RUNX1: variants seen among roughly 807,000 people sequenced by gnomAD.
RUNX1 encodes the protein RUNX family transcription factor 1.
In RUNX1, 19 loss-of-function variants were observed where a neutral mutation model predicts 42.8. That is an observed-to-expected ratio of 0.44 (90% CI 0.31 to 0.65). The LOEUF (loss-of-function observed/expected upper bound fraction) is 0.65. RUNX1 is among the 30% of genes least tolerant of loss of function. RUNX1 has a pLI of 0.07. For missense variants in RUNX1, 528 were observed against 672.0 expected (o/e 0.79, Z 2.37); for synonymous variants, 271 against 289.4 (o/e 0.94, Z 0.64).
chr21:34,848,082 C>A (rs1489221451), intron 6 of RUNX1, among the ~76,000 whole-genome samples: 6 of 152,206 alleles, frequency 3.9e-5, no homozygotes, highest in Non-Finnish European at 8.8e-5. Context: ...ATTTAAGGAA[C>A]ACTTCTGTGC....
intron 2 of RUNX1, among the ~76,000 whole-genome samples, chr21:34,952,603 C>T (rs1235726988): frequency 6.6e-6 from 1 of 152,100 alleles, no homozygotes; most frequent in Non-Finnish European, 1.5e-5. Context: ...CTACAGCTCT[C>T]TTATTTAATT....
intron 2 of RUNX1, among the ~76,000 whole-genome samples, chr21:34,991,101 C>A (rs1245901226): frequency 6.6e-6 from 1 of 152,178 alleles, no homozygotes; most frequent in Non-Finnish European, 1.5e-5. Flanking sequence ...AGGAGCAATG[C>A]TGGAAGCCTG....
intron 2 of RUNX1, among the ~76,000 whole-genome samples, chr21:34,922,656 T>A (rs1215730964): frequency 6.6e-6 from 1 of 152,090 alleles, no homozygotes; most frequent in South Asian, 2.1e-4. Flanking sequence ...ACAAGTAGGG[T>A]CACCACAATT....
chr21:34,904,073 C>T (rs1832405263), intron 2 of RUNX1, among the ~76,000 whole-genome samples: 1 of 152,092 alleles, frequency 6.6e-6, no homozygotes, highest in African/African-American at 2.4e-5. Flanking sequence ...GAATAGTAAA[C>T]ATTTTTTGCG....
rs189386056 is a variant in RUNX1 at position 34,990,717 on chromosome 21, G to A, written c.58+58125C>T. On this transcript the variant is annotated intron_variant, in intron 2 of 8. Coordinates refer to ENST00000675419, the MANE Select transcript of RUNX1 (RefSeq NM_001754.5). ...AGTGATTCTCCTGCCTCAGCCTCCC[G>A]AGTAGCTGGGATTACAGGCACCCAC... 1.9e-3 allele frequency among the ~76,000 whole-genome samples: 285 copies of A among 151,518 alleles called. 2 individuals are homozygous for A. The highest frequency in any genetic ancestry group is 6.5e-3 in the African/African-American group (267 of 41,258).
chr21:34,795,490 T>C (rs1311534202), intron 8 of RUNX1, among the ~76,000 whole-genome samples: 2 of 152,172 alleles, frequency 1.3e-5, no homozygotes, highest in Non-Finnish European at 2.9e-5. Context: ...AATTAAAGTT[T>C]ATAGAAACAG....
intron 7 of RUNX1, among the ~76,000 whole-genome samples, chr21:34,810,766 A>C (rs111339837): frequency 1.2e-4 from 18 of 152,172 alleles, no homozygotes; most frequent in African/African-American, 4.1e-4. Context: ...TGAAGGCAGG[A>C]AACAGTCTTC....
At chr21:35,022,893 T>C (rs13051695) in intron 2 of RUNX1, among the ~76,000 whole-genome samples, 149,961 of 149,964 alleles carry the variant, frequency 1, 74,979 homozygotes, top group Non-Finnish European at 1. Flanking sequence ...GATACTCTGT[T>C]TGAATAATAA....
rs199759556 is a variant in RUNX1 at position 34,834,567 on chromosome 21, G to C, written c.648C>G (p.Pro216=). ...HRQKLDDQTK[P]GSLSFSERLS... ...GCCGCTCGGAAAAGGACAAGCTCCC[G>C]GGCTTGGTCTGATCATCTAGTTTCT... The change falls in exon 7 of 9, where the codon CCC becomes CCG. Residue 216 remains proline, a synonymous_variant. Transcript: ENST00000675419. The C allele has an allele frequency of 6.2e-7, 1 of 1,612,526 alleles. No individual in the cohort carries two copies. The highest frequency in any genetic ancestry group is 1.7e-5 in the Admixed American group (1 of 59,994).
At chr21:34,849,451 TTATAA>T (rs1471999749) in intron 6 of RUNX1, among the ~76,000 whole-genome samples, 1 of 77,178 alleles carries the variant, frequency 1.3e-5, no homozygotes, top group African/African-American at 4.9e-5. Context: ...ATACTATATA[TTATAA>T]TATATAGTAT....
rs781186138 is a variant in RUNX1 at position 35,048,813 on chromosome 21, T to C, written c.58+29A>G. ...CATTACAGGCAAAGCTGAGCAAAAG[T>C]AGATATTACAAGACCAGCATGTACT... On this transcript the variant is annotated intron_variant, in intron 2 of 8. Coordinates refer to ENST00000675419, the MANE Select transcript of RUNX1 (RefSeq NM_001754.5). The C allele has an allele frequency of 2.9e-5, 47 of 1,593,356 alleles. No individual in the cohort carries two copies. In the African/African-American group the frequency reaches 5.0e-4, roughly 17 times the overall value.
chr21:34,998,017 C>G (rs1003435431), intron 2 of RUNX1, among the ~76,000 whole-genome samples: 9 of 152,182 alleles, frequency 5.9e-5, no homozygotes, highest in African/African-American at 2.2e-4. Flanking sequence ...CTCTCCTCCC[C>G]CATCTCCCTT....
intron 2 of RUNX1, among the ~76,000 whole-genome samples, chr21:34,948,053 C>T (rs2058577694): frequency 6.6e-6 from 1 of 152,018 alleles, no homozygotes; most frequent in Non-Finnish European, 1.5e-5. Context: ...CCTCATCATC[C>T]CCACTCCCAC....
In RUNX1 at chr21:34,907,645, C is replaced by T. The variant is rs538093664; in HGVS notation, c.59-14682G>A. ...CTCCTTTCTGTGCCTCCGCTTCCACCTTTGCCAAGTCTAAAATCATGCCAT... is the reference window on the plus strand; with the variant it reads ...CTCCTTTCTGTGCCTCCGCTTCCACTTTTGCCAAGTCTAAAATCATGCCAT... On this transcript the variant is annotated intron_variant, in intron 2 of 8. Coordinates refer to ENST00000675419, the MANE Select transcript of RUNX1 (RefSeq NM_001754.5). This position sits in a 1 kb window ranked among gnomAD's most constrained non-coding sequence, Gnocchi z 5.3. Among the ~76,000 whole-genome samples, 2 of 152,246 alleles carry T rather than the reference C, an allele frequency of 1.3e-5. No individual in the cohort carries two copies. The highest frequency in any genetic ancestry group is 4.8e-5 in the African/African-American group (2 of 41,536).
chr21:34,949,183 T>C (rs1253223832), intron 2 of RUNX1, among the ~76,000 whole-genome samples: 1 of 152,180 alleles, frequency 6.6e-6, no homozygotes, highest in Non-Finnish European at 1.5e-5. Flanking sequence ...TTTAGTTACA[T>C]TTGACCTAAA....
chr21:34,846,986 C>G (rs963614809), intron 6 of RUNX1, among the ~76,000 whole-genome samples: 1 of 152,162 alleles, frequency 6.6e-6, no homozygotes, highest in Non-Finnish European at 1.5e-5. Context: ...TTTCACCTCC[C>G]TGAAATCAAA....
At chr21:34,995,704 G>T (rs1332285266) in intron 2 of RUNX1, among the ~76,000 whole-genome samples, 1 of 152,192 alleles carries the variant, frequency 6.6e-6, no homozygotes, top group Non-Finnish European at 1.5e-5. Flanking sequence ...GCCTCCCAAA[G>T]TGCTGGGATT....
chr21:34,964,287 G>A (rs1265301136), intron 2 of RUNX1, among the ~76,000 whole-genome samples: 1 of 152,048 alleles, frequency 6.6e-6, no homozygotes, highest in East Asian at 1.9e-4. Flanking sequence ...AGGAGATCGA[G>A]ACCATCCTGG....
rs1195996714 is a variant in RUNX1, at chr21:34,792,152, C to T, written c.1426G>A (p.Val476Met). Reference sequence around the variant, plus strand: ...CTGGCGCCTCAGTAGGGCCTCCACACGGCCTCCTCCAGGCGCGCGGAGGGC... The same window carrying T: ...CTGGCGCCTCAGTAGGGCCTCCACATGGCCTCCTCCAGGCGCGCGGAGGGC... ...MAPSARLEEA[V>M]WRPY Residue 476 changes from valine to methionine, a missense_variant, in exon 9 of 9, where the codon GTG becomes ATG. This residue lies in a region of RUNX1 where 331 missense variants were observed against 382.5 expected (regional missense o/e 0.87). Transcript: ENST00000675419. This position sits in a 1 kb window ranked among gnomAD's most constrained non-coding sequence, Gnocchi z 6.9. 1 of 1,503,110 alleles carries T rather than the reference C, an allele frequency of 6.7e-7. No individual in the cohort carries two copies. The highest frequency in any genetic ancestry group is 8.8e-7 in the Non-Finnish European group (1 of 1,133,454). The allele number at this position is 1,503,110 out of a possible 1,614,324, so 93.1% of individuals were successfully genotyped here. A position where few individuals can be genotyped will look rare whatever the true frequency, so the allele number is the denominator to read the frequency against.
Sources: gnomAD v4.1 joint callset for allele counts (sites outside exome capture counted in the v4.1 genomes callset) on GRCh38, gnomAD v4.1.1 for gene constraint, gnomAD v4.1.1 regional missense constraint, Gnocchi (gnomAD v3.1) non-coding constraint, MANE v1.5 for transcripts, NCBI Gene and HGNC (gene_info 2026-07-23, HGNC 2026-07-21) for gene names.